The following ARHGAP24 variants were observed in gnomAD, a reference collection of about 807,000 sequenced individuals.
The protein encoded by ARHGAP24 is rho GTPase-activating protein 24.
In ARHGAP24, 50 loss-of-function variants were observed where a neutral mutation model predicts 76.4. The observed-to-expected ratio is 0.65, with a 90% CI of 0.52 to 0.83. The LOEUF is 0.83. Ranked by LOEUF, ARHGAP24 falls within the 40% of genes least tolerant of loss-of-function variation. The pLI is 0.00. For synonymous variants in ARHGAP24, 345 were observed against 323.3 expected (o/e 1.07, Z -0.72); for missense variants, 930 against 914.2 (o/e 1.02, Z -0.22).
intron 3 of ARHGAP24, among the ~76,000 whole-genome samples, chr4:85,820,294 C>G (rs1295645482): frequency 1.3e-5 from 2 of 152,156 alleles, no homozygotes; most frequent in East Asian, 3.8e-4. Flanking sequence ...CTGTGGAATA[C>G]TATGCAGTCA....
intron 6 of ARHGAP24, 118 bp from the exon 7 acceptor site, chr4:85,974,770 T>C (rs1739227018): frequency 1.2e-6 from 1 of 851,504 alleles, no homozygotes; most frequent in African/African-American, 1.7e-5. Context: ...CGGGACAAGA[T>C]CTTTCACTGA....
chr4:85,935,393 AC>A (rs1167190192), intron 4 of ARHGAP24, among the ~76,000 whole-genome samples: 2 of 152,196 alleles, frequency 1.3e-5, no homozygotes, highest in African/African-American at 4.8e-5. Flanking sequence ...GTGCCCCTGA[AC>A]AAAAGGCTGA....
intron 1 of ARHGAP24, among the ~76,000 whole-genome samples, chr4:85,525,307 A>G (rs1277801337): frequency 9.0e-6 from 1 of 110,834 alleles, no homozygotes; most frequent in East Asian, 2.5e-4. Context: ...CCTTTTATGC[A>G]TTTATATCCT....
intron 3 of ARHGAP24, among the ~76,000 whole-genome samples, chr4:85,885,789 C>T (rs370755888): frequency 6.6e-6 from 1 of 152,044 alleles, no homozygotes; most frequent in East Asian, 1.9e-4. Context: ...GGTCATTTAA[C>T]ATCTGAGCTT....
At chr4:85,610,016 G>C (rs1720326745) in intron 2 of ARHGAP24, among the ~76,000 whole-genome samples, 1 of 152,116 alleles carries the variant, frequency 6.6e-6, no homozygotes, top group South Asian at 2.1e-4. Context: ...TAGATTATGT[G>C]ATGATTGGGC....
chr4:85,675,686 A>G (rs1722956082), intron 2 of ARHGAP24, among the ~76,000 whole-genome samples: 1 of 152,158 alleles, frequency 6.6e-6, no homozygotes, highest in South Asian at 2.1e-4. Context: ...CCAACCATGT[A>G]AGGGCTTGGC....
intron 5 of ARHGAP24, among the ~76,000 whole-genome samples, chr4:85,965,071 T>C (rs1172747562): frequency 6.6e-6 from 1 of 152,102 alleles, no homozygotes; most frequent in Admixed American, 6.6e-5. Context: ...GGCACTATAT[T>C]AGTCTGTTTT....
At chr4:85,854,135 CAAAAAAAA>C (rs35799327) in intron 3 of ARHGAP24, among the ~76,000 whole-genome samples, 19 of 85,558 alleles carry the variant, frequency 2.2e-4, no homozygotes, top group Non-Finnish European at 4.2e-4. Context: ...GACTCTGTCT[CAAAAAAAA>C]AAAAAAAAAA....
intron 3 of ARHGAP24, 32 bp from the exon 4 acceptor site, chr4:85,923,616 A>G (rs1212303959): frequency 1.2e-6 from 2 of 1,612,896 alleles, no homozygotes; most frequent in Non-Finnish European, 1.7e-6. Flanking sequence ...TCTGGATGCA[A>G]CTTCAGCTGC....
intron 2 of ARHGAP24, among the ~76,000 whole-genome samples, chr4:85,581,610 C>G (rs1727613774): frequency 6.6e-6 from 1 of 152,104 alleles, no homozygotes; most frequent in African/African-American, 2.4e-5. Flanking sequence ...GTAGCTCTAA[C>G]TTAACTGTGT....
Position 85,994,743 on chromosome 4 carries a change from C to A in ARHGAP24, c.1089C>A (p.Asn363Lys). ...TGGGGCAGTTACAGAACAAGGAGAACAATAACACCAAGGACAGCCCTAGTA... is the reference window on the plus strand; with the variant it reads ...TGGGGCAGTTACAGAACAAGGAGAAAAATAACACCAAGGACAGCCCTAGTA... ...ATMGQLQNKE[N>K]NNTKDSPSRQ... Residue 363 changes from asparagine to lysine, a missense_variant, in exon 9 of 10, where the codon AAC (asparagine) becomes AAA (lysine). By Grantham distance (94) the Asn-to-Lys change is moderately conservative. Transcript: ENST00000395184. The A allele has an allele frequency of 1.9e-6, 3 of 1,614,072 alleles. No individual in the cohort carries two copies. Among genetic ancestry groups the A allele is most frequent in the South Asian group, 2.2e-5 (2 of 91,068 alleles).
intron 3 of ARHGAP24, among the ~76,000 whole-genome samples, chr4:85,820,497 G>A (rs553507067): frequency 6.6e-6 from 1 of 152,116 alleles, no homozygotes; most frequent in Non-Finnish European, 1.5e-5. Flanking sequence ...GCTGGAAGGA[G>A]GGAGCAGGGT....
intron 4 of ARHGAP24, among the ~76,000 whole-genome samples, chr4:85,941,790 G>A (rs1736961672): frequency 6.6e-6 from 1 of 152,058 alleles, no homozygotes; most frequent in Admixed American, 6.5e-5. Flanking sequence ...ATTTATTACA[G>A]TTTTTCTTAT....
At chr4:85,725,569 T>A (rs1014642) in intron 3 of ARHGAP24, among the ~76,000 whole-genome samples, 22,960 of 152,292 alleles carry the variant, frequency 0.15, 2,399 homozygotes, top group East Asian at 0.55. Flanking sequence ...ATGATACTGC[T>A]GGGGCATAGC....
intron 2 of ARHGAP24, among the ~76,000 whole-genome samples, chr4:85,630,594 G>A (rs1341198966): frequency 4.6e-5 from 7 of 152,272 alleles, no homozygotes; most frequent in East Asian, 1.9e-4. Context: ...AAATGGGCTG[G>A]CATGGAGCCT....
intron 2 of ARHGAP24, among the ~76,000 whole-genome samples, chr4:85,624,669 TC>T (rs1720866800): frequency 6.6e-6 from 1 of 152,248 alleles, no homozygotes; most frequent in African/African-American, 2.4e-5. Flanking sequence ...TGGTACCAGC[TC>T]CTCTTTGTAC....
At chr4:85,964,873 G>A (rs541750553) in intron 5 of ARHGAP24, among the ~76,000 whole-genome samples, 2 of 152,204 alleles carry the variant, frequency 1.3e-5, no homozygotes, top group East Asian at 3.9e-4. Context: ...GTGTGTGTGT[G>A]TGTGTACTCA....
intron 1 of ARHGAP24, among the ~76,000 whole-genome samples, chr4:85,540,053 T>G (rs1298161862): frequency 6.6e-6 from 1 of 151,600 alleles, no homozygotes; most frequent in Non-Finnish European, 1.5e-5. Context: ...TAAAAATAAA[T>G]AAATACATAA....
At position 85,570,865 on chromosome 4, in the gene ARHGAP24, G is replaced by A. The variant is rs17384463; in HGVS notation, c.180+144G>A. On this transcript the variant is annotated intron_variant, in intron 2 of 9. Transcript: ENST00000395184. ...GTCATCTTTCACCCTTTTACCCATT[G>A]CTTGCTTTGAGTTGGAGATAATAAA... 176,252 of 925,530 alleles carry A rather than the reference G, an allele frequency of 0.19. 27,719 individuals carry two copies. The highest frequency in any genetic ancestry group is 0.79 in the East Asian group (29,419 of 37,380). The allele number at this position is 925,530 out of a possible 1,614,324, so 57.3% of individuals were successfully genotyped here. A position where few individuals can be genotyped will look rare whatever the true frequency, so the allele number is the denominator to read the frequency against.
Sources: allele counts gnomAD v4.1 joint callset (sites outside exome capture counted in the v4.1 genomes callset), GRCh38; gene constraint gnomAD v4.1.1; transcripts MANE v1.5; gene names NCBI Gene and HGNC (gene_info 2026-07-23, HGNC 2026-07-21).